The following RGPD1 variants were observed in gnomAD, a reference collection of about 807,000 sequenced individuals.
RGPD1 encodes RANBP2 like and GRIP domain containing 1.
RGPD1 carries 7 observed loss-of-function variants against 40.6 expected under a neutral mutation model. That is an observed-to-expected ratio of 0.17 (90% CI 0.10 to 0.32). RGPD1 has a LOEUF of 0.32. Ranked by LOEUF, RGPD1 falls within the 10% of genes least tolerant of loss-of-function variation. RGPD1 has a pLI of 1.00. For synonymous variants in RGPD1, 24 were observed against 167.0 expected, an observed-to-expected ratio of 0.14 and a Z score of 6.60; for missense variants, 50 against 472.5, an observed-to-expected ratio of 0.11 and a Z score of 8.29.
chr2:86,933,358 T>C (rs1679114618), intron 1 of RGPD1, among the ~76,000 whole-genome samples: 1 of 146,408 alleles, frequency 6.8e-6, no homozygotes. Context: ...AACTAAAAAT[T>C]AAATATAGTC....
upstream of RGPD1, among the ~76,000 whole-genome samples, chr2:86,938,543 C>T (rs1346698980): frequency 6.8e-6 from 1 of 147,638 alleles, no homozygotes; most frequent in Non-Finnish European, 1.5e-5. Flanking sequence ...CGCCTAGACT[C>T]AATCAAGTTA....
chr2:86,986,972 GA>G lies in RGPD1; in HGVS notation c.4074del (p.Arg1358SerfsTer17). 1 of 1,596,108 alleles carries G rather than the reference GA, an allele frequency of 6.3e-7. No individual in the cohort carries two copies. Reference sequence around the variant, plus strand: ...TTTAGTCACAGGGCAGAACTCTACAGATATGATAAAGATGTTGGTCAATGGA... The same window carrying G: ...TTTAGTCACAGGGCAGAACTCTACAGTATGATAAAGATGTTGGTCAATGGA... Reference protein sequence around the residue: ...VVFSHRAELYRYDKDVGQWKE... With the variant: ...VVFSHRAELYXYDKDVGQWKE... On this transcript the variant is annotated frameshift_variant, in exon 20 of 23. Transcript: ENST00000641458. LOFTEE classifies it high-confidence loss of function.
chr2:86,936,892 GC>G (rs1467001738), intron 1 of RGPD1, among the ~76,000 whole-genome samples: 1 of 140,066 alleles, frequency 7.1e-6, no homozygotes, highest in East Asian at 2.0e-4. Flanking sequence ...CACAGACATT[GC>G]TTAACAAAGA....
Position 86,933,410 on chromosome 2 carries a change from CAACTG to C in RGPD1, c.73-17883_73-17879del, listed in dbSNP as rs1476702366. ...TTTAGTATAAATAATACTGGTATGACAACTGAATGCAATTGAAATTATGATATAAA... is the reference window on the plus strand; with the variant it reads ...TTTAGTATAAATAATACTGGTATGACAATGCAATTGAAATTATGATATAAA... On this transcript the variant is annotated intron_variant, in intron 1 of 22. Transcript: ENST00000398193. Among the ~76,000 whole-genome samples the C allele has an allele frequency of 3.3e-5, 5 of 150,112 alleles. 1 individual carries two copies. The highest frequency in any genetic ancestry group is 7.4e-5 in the Non-Finnish European group (5 of 67,178).
Position 86,942,193 on chromosome 2 carries a change from T to G in RGPD1, c.-44T>G, listed in dbSNP as rs76156574. The stretch of plus-strand genomic sequence containing the variant: ...TTGGAATTGGCGACTGCTGCGGGGC[T>G]GAGCGCTGGTTTCACGCGTCTCGGG... On this transcript the variant is annotated 5_prime_UTR_variant, in exon 1 of 23. Coordinates refer to ENST00000641458, the MANE Select transcript of RGPD1 (RefSeq NM_001382344.1). The G allele has an allele frequency of 0.29, 444,162 of 1,537,938 alleles. 54,320 individuals carry two copies. Among genetic ancestry groups the G allele is most frequent in the East Asian group, 0.48 (19,446 of 40,692 alleles).
At chr2:86,915,112 G>A (rs934587343) in intron 1 of RGPD1, among the ~76,000 whole-genome samples, 2 of 149,794 alleles carry the variant, frequency 1.3e-5, no homozygotes, top group South Asian at 2.2e-4. Context: ...CCTGGCCAAC[G>A]TGGTGAAACC....
upstream of RGPD1, among the ~76,000 whole-genome samples, chr2:86,938,872 C>CTT (rs201509210): frequency 9.2e-6 from 1 of 108,362 alleles, no homozygotes; most frequent in African/African-American, 3.5e-5. Context: ...GTGTGAGACT[C>CTT]TCTCAAAAAA....
At chr2:86,928,468 A>C (rs1157874522) in intron 1 of RGPD1, among the ~76,000 whole-genome samples, 1 of 152,164 alleles carries the variant, frequency 6.6e-6, no homozygotes, top group Non-Finnish European at 1.5e-5. Flanking sequence ...GAGGGACAGG[A>C]TCCTCTATGG....
At chr2:86,942,678 C>G (rs1328923968) in intron 1 of RGPD1, among the ~76,000 whole-genome samples, 2 of 142,948 alleles carry the variant, frequency 1.4e-5, no homozygotes, top group African/African-American at 5.1e-5. Flanking sequence ...GCGGCCTCGA[C>G]CTGGCCGGGC....
At chr2:87,000,689 C>T (rs1681955410) in intron 22 of RGPD1, among the ~76,000 whole-genome samples, 1 of 60,652 alleles carries the variant, frequency 1.6e-5, no homozygotes, top group Non-Finnish European at 3.1e-5. Flanking sequence ...CGGTGGCTCA[C>T]ACCTGTAATC....
chr2:87,000,156 C>G (rs1393307052), intron 22 of RGPD1, among the ~76,000 whole-genome samples: 2 of 120,416 alleles, frequency 1.7e-5, no homozygotes, highest in South Asian at 2.5e-4. Flanking sequence ...TAAAACTGCC[C>G]CTATAAAAAA....
At chr2:86,944,398 A>T (rs920533181) in intron 1 of RGPD1, among the ~76,000 whole-genome samples, 2 of 151,852 alleles carry the variant, frequency 1.3e-5, no homozygotes, top group East Asian at 3.9e-4. Context: ...TAAAGACTTT[A>T]ATTTTTGTGT....
At chr2:86,918,238 C>T (rs1314691313) in intron 1 of RGPD1, among the ~76,000 whole-genome samples, 29 of 148,978 alleles carry the variant, frequency 1.9e-4, no homozygotes, top group Non-Finnish European at 3.9e-4. Context: ...TCACCCTCTT[C>T]CCCCAGTAAC....
At chr2:86,947,722 C>A (rs1171484757) in intron 1 of RGPD1, among the ~76,000 whole-genome samples, 1 of 140,122 alleles carries the variant, frequency 7.1e-6, no homozygotes, top group Non-Finnish European at 1.6e-5. Context: ...CCTTATGTTC[C>A]AGGGGAAGAA....
intron 1 of RGPD1, among the ~76,000 whole-genome samples, chr2:86,925,014 T>A (rs1334172854): frequency 6.6e-6 from 1 of 152,100 alleles, no homozygotes; most frequent in Non-Finnish European, 1.5e-5. Flanking sequence ...CCTAGCTACT[T>A]GGAGGCTGAG....
At chr2:86,943,447 A>G (rs1257327850) in intron 1 of RGPD1, among the ~76,000 whole-genome samples, 2 of 152,098 alleles carry the variant, frequency 1.3e-5, no homozygotes, top group Admixed American at 1.3e-4. Context: ...TTTGGATTCA[A>G]TAAGACTTTA....
upstream of RGPD1, among the ~76,000 whole-genome samples, chr2:86,941,842 C>G (rs1679785125): frequency 6.6e-6 from 1 of 151,500 alleles, no homozygotes; most frequent in East Asian, 1.9e-4. Flanking sequence ...TCCCGAGTAG[C>G]TGGGATTACA....
chr2:86,945,754 G>A (rs1680304628), intron 1 of RGPD1, among the ~76,000 whole-genome samples: 1 of 149,116 alleles, frequency 6.7e-6, no homozygotes, highest in East Asian at 2.0e-4. Context: ...GGCAGCGCCT[G>A]TAGTCCCACC....
intron 1 of RGPD1, among the ~76,000 whole-genome samples, chr2:86,943,321 A>G (rs1322843758): frequency 8.3e-6 from 1 of 121,060 alleles, no homozygotes; most frequent in Non-Finnish European, 1.6e-5. Flanking sequence ...CCTTTGCTTA[A>G]AAAAAAAAAA....
Sources: gnomAD v4.1 joint callset for allele counts (sites outside exome capture counted in the v4.1 genomes callset) on GRCh38, gnomAD v4.1.1 for gene constraint, MANE v1.5 for transcripts, NCBI Gene and HGNC (gene_info 2026-07-23, HGNC 2026-07-21) for gene names.